The following VCL variants were observed in gnomAD, a reference collection of about 807,000 sequenced individuals.
VCL encodes the protein epididymis luminal protein 114.
In VCL, 47 loss-of-function variants were observed where a neutral mutation model predicts 125.7. That is an observed-to-expected ratio of 0.37 (90% CI 0.30 to 0.48). VCL has a LOEUF of 0.48. VCL is among the 20% of genes least tolerant of loss of function. VCL has a pLI of 0.99. For missense variants in VCL, 1,069 were observed against 1,455.5 expected, an observed-to-expected ratio of 0.73 and a Z score of 4.32; for synonymous variants, 458 against 514.6, an observed-to-expected ratio of 0.89 and a Z score of 1.49.
chr10:74,006,396 G>A (rs1323507314), intron 1 of VCL, among the ~76,000 whole-genome samples: 1 of 152,172 alleles, frequency 6.6e-6, no homozygotes, highest in African/African-American at 2.4e-5. Flanking sequence ...AAGTAAGAGG[G>A]CAAAAGTCCT....
intron 1 of VCL, among the ~76,000 whole-genome samples, chr10:74,024,567 C>G (rs1181571269): frequency 1.3e-5 from 2 of 150,836 alleles, no homozygotes; most frequent in Non-Finnish European, 2.9e-5. Context: ...GCTGAGATTG[C>G]ACCATTGCAC....
intron 1 of VCL, among the ~76,000 whole-genome samples, chr10:74,013,289 A>G (rs1370723495): frequency 6.6e-6 from 1 of 152,206 alleles, no homozygotes; most frequent in Non-Finnish European, 1.5e-5. Context: ...TGCATGCAAA[A>G]GGACCATCTA....
At chr10:74,084,582 C>T (rs1338755189) in intron 8 of VCL, among the ~76,000 whole-genome samples, 1 of 151,596 alleles carries the variant, frequency 6.6e-6, no homozygotes, top group African/African-American at 2.4e-5. Context: ...CCACCATGAC[C>T]TGCCAAATTT....
intron 1 of VCL, among the ~76,000 whole-genome samples, chr10:74,027,368 G>T (rs1840791836): frequency 1.3e-5 from 2 of 148,612 alleles, no homozygotes; most frequent in Admixed American, 1.4e-4. Flanking sequence ...CCCTCATATA[G>T]TCATAGAGTA....
intron 20 of VCL, 111 bp from the exon 21 acceptor site, chr10:74,114,684 G>A (rs1840285232): frequency 8.6e-7 from 1 of 1,163,188 alleles, no homozygotes; most frequent in Non-Finnish European, 1.3e-6. Context: ...TATTTATCGA[G>A]TGCCTTTTCT....
rs1333038244 is a variant in VCL at position 74,059,409 on chromosome 10, C to CA, written c.240-11261_240-11260insA. Among the ~76,000 whole-genome samples the CA allele has an allele frequency of 1.5e-4, 22 of 144,852 alleles. No individual in the cohort carries two copies. In the East Asian group the frequency reaches 4.2e-3, roughly 28 times the overall value. ...ATCTCCTCCTGCTTTTGCACCCATA[C>CA]TTTTTTTTTTTTTGAGACGGAGTCT... On this transcript the variant is annotated intron_variant, in intron 2 of 21. Coordinates refer to ENST00000211998, the MANE Select transcript of VCL (RefSeq NM_014000.3).
In VCL at chr10:74,071,562, T is replaced by C. The variant is rs1226120980; in HGVS notation, c.499+479T>C. Among the ~76,000 whole-genome samples, 2 of 152,204 alleles carry C rather than the reference T, an allele frequency of 1.3e-5. No homozygotes were observed. The highest frequency in any genetic ancestry group is 2.9e-5 in the Non-Finnish European group (2 of 68,044). ...GAAGAGCTATTGTGGTTAAATCTTATTTTGAAATGATTATTCAGGCATCTG... is the reference window on the plus strand; with the variant it reads ...GAAGAGCTATTGTGGTTAAATCTTACTTTGAAATGATTATTCAGGCATCTG... On this transcript the variant is annotated intron_variant, in intron 4 of 21. Transcript: ENST00000211998. The surrounding 1 kb of genome is among the most constrained non-coding windows in gnomAD (Gnocchi z 4.1).
intron 8 of VCL, among the ~76,000 whole-genome samples, chr10:74,088,948 AT>A (rs1839832152): frequency 6.6e-6 from 1 of 152,198 alleles, no homozygotes; most frequent in Non-Finnish European, 1.5e-5. Context: ...AATTATCAAA[AT>A]TTGCTGGCCT....
At position 74,070,685 on chromosome 10, in the gene VCL, C is replaced by T. The variant is rs117384664; in HGVS notation, c.255C>T (p.Cys85=). ...PPAFIKVENA[C]TKLVQAAQML... ...TTCCCTATAGGGTTGAGAATGCTTG[C>T]ACCAAGCTTGTCCAGGCAGCTCAGA... Residue 85 remains cysteine, a synonymous_variant, in exon 3 of 22, where the codon TGC becomes TGT. Transcript: ENST00000211998. 95 of 1,614,088 alleles carry T rather than the reference C, an allele frequency of 5.9e-5. No homozygotes were observed. Among genetic ancestry groups the T allele is most frequent in the Non-Finnish European group, 7.9e-5 (93 of 1,180,006 alleles).
chr10:74,058,838 C>T (rs1050989978), intron 2 of VCL, among the ~76,000 whole-genome samples: 14 of 152,206 alleles, frequency 9.2e-5, no homozygotes, highest in Admixed American at 4.6e-4. Flanking sequence ...GTAGACTGCC[C>T]TCCCTAGTCC....
At position 74,065,423 on chromosome 10, in the gene VCL, C is replaced by T. The variant is rs552651296; in HGVS notation, c.240-5247C>T. Among the ~76,000 whole-genome samples, 286 of 152,186 alleles carry T rather than the reference C, an allele frequency of 1.9e-3. 3 individuals are homozygous for T. The highest frequency in any genetic ancestry group is 0.011 in the South Asian group (51 of 4,822). Reference sequence around the variant, plus strand: ...GAGTGCTGGGTTTACAGGTGTGAGCCACTGTGCCTGGCCCCCAGCACTTTA... The same window carrying T: ...GAGTGCTGGGTTTACAGGTGTGAGCTACTGTGCCTGGCCCCCAGCACTTTA... On this transcript the variant is annotated intron_variant, in intron 2 of 21. Coordinates refer to ENST00000211998, the MANE Select transcript of VCL (RefSeq NM_014000.3).
At position 74,083,358 on chromosome 10, in the gene VCL, TA is replaced by T; in HGVS notation, c.875-7del. 1 of 1,613,970 alleles carries T rather than the reference TA, an allele frequency of 6.2e-7. No homozygotes were observed. On this transcript the variant is annotated splice_region_variant and splice_polypyrimidine_tract_variant and intron_variant, in intron 7 of 21. Coordinates refer to ENST00000211998, the MANE Select transcript of VCL (RefSeq NM_014000.3). ...ACAATGTAGTTATTGAATATCTCTT[TA>T]TTTTAGGGGATGCTGGTGAGCAGGC...
chr10:74,049,846 T>C (rs1435714776), intron 2 of VCL, among the ~76,000 whole-genome samples: 5 of 152,194 alleles, frequency 3.3e-5, no homozygotes, highest in Non-Finnish European at 7.4e-5. Flanking sequence ...GAGAATAAGC[T>C]AGATGTCAAA....
At chr10:74,009,379 C>T (rs1294900525) in intron 1 of VCL, among the ~76,000 whole-genome samples, 2 of 152,086 alleles carry the variant, frequency 1.3e-5, no homozygotes, top group Non-Finnish European at 2.9e-5. Context: ...CCACCTCAGC[C>T]TCCCGAGTAG....
chr10:74,115,416 A>G (rs187217405), intron 21 of VCL, among the ~76,000 whole-genome samples: 111 of 151,384 alleles, frequency 7.3e-4, no homozygotes, highest in African/African-American at 1.5e-3. Context: ...AAATAAATAA[A>G]TAAGTAAATA....
intron 1 of VCL, among the ~76,000 whole-genome samples, chr10:74,001,142 T>A (rs1178377549): frequency 6.6e-6 from 1 of 152,072 alleles, no homozygotes; most frequent in Admixed American, 6.6e-5. Context: ...GAGAATAGTG[T>A]GTGAGAAAGA....
intron 1 of VCL, among the ~76,000 whole-genome samples, chr10:74,032,261 GAAAAA>G (rs1368391403): frequency 2.3e-5 from 3 of 131,314 alleles, no homozygotes; most frequent in Admixed American, 7.6e-5. Flanking sequence ...AAAAAAAAAA[GAAAAA>G]GGAAAAGACA....
chr10:74,042,381 A>G lies in VCL; in HGVS notation c.169-702A>G, dbSNP rs145307066. On this transcript the variant is annotated intron_variant, in intron 1 of 21. Coordinates refer to ENST00000211998, the MANE Select transcript of VCL (RefSeq NM_014000.3). ...CATTTGGCATTACTGCTTATAAGGTATATTCTCATAAGTGGAATTCCCAGG... is the reference window on the plus strand; with the variant it reads ...CATTTGGCATTACTGCTTATAAGGTGTATTCTCATAAGTGGAATTCCCAGG... Among the ~76,000 whole-genome samples the G allele has an allele frequency of 7.0e-3, 1,070 of 152,292 alleles. 16 individuals are homozygous for G. The highest frequency in any genetic ancestry group is 0.024 in the African/African-American group (1,017 of 41,564).
Position 74,114,878 on chromosome 10 carries a change from C to T in VCL, c.3237C>T (p.Ile1079=), listed in dbSNP as rs201526599. ...CCACCATGCTGGGCCGGACCAACAT[C>T]AGTGATGAGGAGTCTGAGCAGGTAT... ...VKATMLGRTN[I]SDEESEQATE... is the part of the protein sequence containing the mutation. The change falls in exon 21 of 22, where the codon ATC becomes ATT. Residue 1079 remains isoleucine (I), a synonymous_variant. Coordinates refer to ENST00000211998, the MANE Select transcript of VCL (RefSeq NM_014000.3). 4.4e-6 allele frequency: 7 copies of T among 1,599,458 alleles called. No homozygotes were observed. The East Asian group carries it at 1.6e-4, about 36-fold the overall frequency.
Sources: allele counts gnomAD v4.1 joint callset (sites outside exome capture counted in the v4.1 genomes callset), GRCh38; gene constraint gnomAD v4.1.1; non-coding constraint Gnocchi (gnomAD v3.1); transcripts MANE v1.5; gene names NCBI Gene and HGNC (gene_info 2026-07-23, HGNC 2026-07-21).